Variants in KIF13B observed in about 807,000 individuals in gnomAD.
KIF13B encodes the protein kinesin-like protein KIF13B.
KIF13B carries 127 observed loss-of-function variants against 222.0 expected under a neutral mutation model. The ratio of observed to expected loss-of-function variants is 0.57; its 90% CI spans 0.50 to 0.66. The LOEUF is 0.66. KIF13B is among the 30% of genes least tolerant of loss of function. The probability of loss-of-function intolerance (pLI) is 0.00; values close to 1 mark genes in which losing one functional copy is unlikely to be tolerated. For missense variants in KIF13B, 2,173 were observed against 2,379.0 expected (o/e 0.91, Z 1.80); for synonymous variants, 976 against 919.0 (o/e 1.06, Z -1.12).
At chr8:29,262,303 T>C (rs1001108056) in intron 1 of KIF13B, among the ~76,000 whole-genome samples, 1 of 152,230 alleles carries the variant, frequency 6.6e-6, no homozygotes, top group Non-Finnish European at 1.5e-5. Context: ...CACAAGAATC[T>C]TGGCACTTTA....
chr8:29,127,915 A>G (rs1256867442), intron 24 of KIF13B, among the ~76,000 whole-genome samples: 3 of 152,008 alleles, frequency 2.0e-5, no homozygotes, highest in Non-Finnish European at 2.9e-5. Context: ...CAAAACAATA[A>G]CCTTAAACTG....
intron 16 of KIF13B, 38 bp from the exon 17 acceptor site, chr8:29,147,640 T>C: frequency 7.0e-7 from 1 of 1,421,986 alleles, no homozygotes; most frequent in Non-Finnish European, 9.8e-7. Context: ...GATCGAGAGT[T>C]ACAACATAAT....
chr8:29,162,558 A>G (rs1294485596), intron 12 of KIF13B, among the ~76,000 whole-genome samples: 1 of 152,184 alleles, frequency 6.6e-6, no homozygotes, highest in Non-Finnish European at 1.5e-5. Flanking sequence ...GTAACTAACT[A>G]TACCTTTCTC....
At chr8:29,133,789 T>G (rs144610574) in intron 22 of KIF13B, among the ~76,000 whole-genome samples, 13 of 152,192 alleles carry the variant, frequency 8.5e-5, no homozygotes, top group Non-Finnish European at 1.9e-4. Flanking sequence ...TAACCTAATA[T>G]AGGACATAGA....
intron 10 of KIF13B, among the ~76,000 whole-genome samples, chr8:29,170,119 A>C (rs549757921): frequency 6.6e-6 from 1 of 152,244 alleles, no homozygotes; most frequent in Admixed American, 6.5e-5. Context: ...GCACTCATTC[A>C]AGGAGAAAGT....
At chr8:29,232,812 A>T (rs1418951407) in intron 2 of KIF13B, among the ~76,000 whole-genome samples, 2 of 152,196 alleles carry the variant, frequency 1.3e-5, no homozygotes, top group East Asian at 3.9e-4. Context: ...GAGACTCCAT[A>T]GCACCCATAC....
At position 29,070,231 on chromosome 8, in the gene KIF13B, G is replaced by T; in HGVS notation, c.*273C>A. On this transcript the variant is annotated 3_prime_UTR_variant, in exon 40 of 40. Coordinates refer to ENST00000524189, the MANE Select transcript of KIF13B (RefSeq NM_015254.4). The surrounding 1 kb of genome is among the most constrained non-coding windows in gnomAD (Gnocchi z 4.1). Reference sequence around the variant, plus strand: ...AGATCACCAGGCGCTGCACCACCCAGGGTCTCAGTCCTAGCATCCCCCAGC... The same window carrying T: ...AGATCACCAGGCGCTGCACCACCCATGGTCTCAGTCCTAGCATCCCCCAGC... 1 of 525,640 alleles carries T rather than the reference G, an allele frequency of 1.9e-6. No individual in the cohort carries two copies. The highest frequency in any genetic ancestry group is 3.6e-5 in the Admixed American group (1 of 27,756). The allele number at this position is 525,640 out of a possible 1,614,324, so 32.6% of individuals were successfully genotyped here.
At chr8:29,198,367 G>A (rs1813532864) in intron 2 of KIF13B, among the ~76,000 whole-genome samples, 1 of 152,082 alleles carries the variant, frequency 6.6e-6, no homozygotes, top group Non-Finnish European at 1.5e-5. Flanking sequence ...TGTGGCCCAG[G>A]CTGGAGTACA....
intron 23 of KIF13B, 148 bp from the exon 24 acceptor site, chr8:29,130,813 T>C (rs936546540): frequency 4.6e-6 from 3 of 657,980 alleles, no homozygotes; most frequent in Non-Finnish European, 7.7e-6. Flanking sequence ...ATACCATGCA[T>C]GTACATACTG....
intron 13 of KIF13B, among the ~76,000 whole-genome samples, chr8:29,156,358 G>A (rs1811525853): frequency 6.6e-6 from 1 of 152,104 alleles, no homozygotes; most frequent in African/African-American, 2.4e-5. Context: ...AAAGCAGTTG[G>A]TTGACCCTGA....
rs972682466 is a variant in KIF13B at position 29,147,378 on chromosome 8, T to G, written c.2024+14A>C. 1.3e-6 allele frequency: 2 copies of G among 1,584,746 alleles called. No individual in the cohort carries two copies. The highest frequency in any genetic ancestry group is 1.7e-6 in the Non-Finnish European group (2 of 1,165,600). ...CTGAGCTATAAAGTTAACAGGCCCC[T>G]CTGTGCCGCCTACCTCTCCTCAGCC... On this transcript the variant is annotated intron_variant, in intron 17 of 39. Coordinates refer to ENST00000524189, the MANE Select transcript of KIF13B (RefSeq NM_015254.4).
In KIF13B at chr8:29,167,476, T is replaced by C. The variant is rs1038006307; in HGVS notation, c.1055A>G (p.His352Arg). 1.9e-6 allele frequency: 3 copies of C among 1,614,022 alleles called. No homozygotes were observed. Among genetic ancestry groups the C allele is most frequent in the Non-Finnish European group, 1.7e-6 (2 of 1,179,884 alleles). The change falls in exon 11 of 40, where the codon CAC becomes CGC. Residue 352 changes from histidine (H) to arginine (R), a missense_variant. Transcript: ENST00000524189. Reference protein sequence around the residue: ...STLRYADRAKHIVNHAVVNED... With the variant: ...STLRYADRAKRIVNHAVVNED... ...ATTCACCACAGCGTGGTTTACAATG[T>C]GCTTGGCTCGATCTGCATACCGCAG...
chr8:29,177,720 A>C (rs1812540931), intron 8 of KIF13B, 142 bp from the exon 9 acceptor site: 1 of 646,990 alleles, frequency 1.5e-6, no homozygotes, highest in Non-Finnish European at 2.8e-6. Context: ...TGGGCAACAC[A>C]GCAAAATCCT....
At chr8:29,104,845 C>T (rs909905125) in intron 35 of KIF13B, among the ~76,000 whole-genome samples, 5 of 151,924 alleles carry the variant, frequency 3.3e-5, no homozygotes, top group African/African-American at 7.2e-5. Flanking sequence ...CCGTGGTTCA[C>T]GCCATTCTCT....
At chr8:29,229,444 T>G (rs1408905606) in intron 2 of KIF13B, among the ~76,000 whole-genome samples, 1 of 152,206 alleles carries the variant, frequency 6.6e-6, no homozygotes, top group East Asian at 1.9e-4. Context: ...GTGATGCCTA[T>G]ATCGTTTGTT....
intron 23 of KIF13B, among the ~76,000 whole-genome samples, chr8:29,131,349 A>G (rs1563727020): frequency 1.3e-5 from 2 of 150,990 alleles, no homozygotes; most frequent in Admixed American, 6.6e-5. Flanking sequence ...AAAAAAAAAA[A>G]GGAAAAAAAA....
rs745613397 is a variant in KIF13B at position 29,130,554 on chromosome 8, T to A, written c.3054A>T (p.Gly1018=). The A allele has an allele frequency of 3.1e-6, 5 of 1,613,832 alleles. No individual in the cohort carries two copies. The highest frequency in any genetic ancestry group is 3.4e-6 in the Non-Finnish European group (4 of 1,179,762). The change falls in exon 24 of 40, where the codon GGA becomes GGT. Residue 1018 remains glycine, a synonymous_variant. Coordinates refer to ENST00000524189, the MANE Select transcript of KIF13B (RefSeq NM_015254.4). ...EVISAKDVPT[G]GIFQLRQGQS... is the part of the protein sequence containing the mutation. ...TTACCTGCCGGAGCTGGAAGATTCC[T>A]CCTGTTGGGACATCCTTTGCAGAAA...
chr8:29,202,299 C>T (rs1813729961), intron 2 of KIF13B, among the ~76,000 whole-genome samples: 1 of 152,074 alleles, frequency 6.6e-6, no homozygotes, highest in Admixed American at 6.6e-5. Flanking sequence ...GGGAAGGTTG[C>T]CGCAAGTGGG....
chr8:29,241,792 G>A (rs1469337568), intron 2 of KIF13B, among the ~76,000 whole-genome samples: 1 of 151,184 alleles, frequency 6.6e-6, no homozygotes, highest in Non-Finnish European at 1.5e-5. Context: ...ATTCAGTCTC[G>A]GCCCTTGAGT....
Sources: allele counts gnomAD v4.1 joint callset (sites outside exome capture counted in the v4.1 genomes callset), GRCh38; gene constraint gnomAD v4.1.1; non-coding constraint Gnocchi (gnomAD v3.1); transcripts MANE v1.5; gene names NCBI Gene and HGNC (gene_info 2026-07-23, HGNC 2026-07-21).